The following WWOX variants were observed in gnomAD, a reference collection of about 807,000 sequenced individuals.
WWOX encodes WW domain containing oxidoreductase.
WWOX carries 69 observed loss-of-function variants against 46.2 expected under a neutral mutation model. That is an observed-to-expected ratio of 1.49 (90% CI 1.23 to 1.82). The LOEUF (loss-of-function observed/expected upper bound fraction) is 1.82. Among genes scored for constraint, WWOX ranks in the 40% most tolerant of loss-of-function variants. The probability of loss-of-function intolerance (pLI) is 0.00; values close to 1 mark genes in which losing one functional copy is unlikely to be tolerated. For synonymous variants in WWOX, 359 were observed against 202.6 expected (o/e 1.77, Z -6.56); for missense variants, 919 against 542.6 (o/e 1.69, Z -6.89).
At chr16:78,624,307 T>C (rs1205120211) in intron 8 of WWOX, among the ~76,000 whole-genome samples, 2 of 151,908 alleles carry the variant, frequency 1.3e-5, no homozygotes, top group South Asian at 2.1e-4. Flanking sequence ...TGGCAGGGGC[T>C]CTGCAAAGTT....
chr16:78,175,045 G>T (rs1411088037), intron 5 of WWOX, among the ~76,000 whole-genome samples: 2 of 140,238 alleles, frequency 1.4e-5, no homozygotes, highest in Non-Finnish European at 3.2e-5. Context: ...TCTGACTAAG[G>T]TTATTAACCA....
chr16:78,839,010 T>G (rs1192166090), intron 8 of WWOX, among the ~76,000 whole-genome samples: 1 of 152,180 alleles, frequency 6.6e-6, no homozygotes, highest in Non-Finnish European at 1.5e-5. Context: ...GTCAATTTCC[T>G]GGTTGTGAAA....
rs191658422 is a variant in WWOX, at chr16:78,980,983, G to C, written c.1057-230625G>C. Among the ~76,000 whole-genome samples the C allele has an allele frequency of 1.9e-3, 296 of 152,260 alleles. 1 individual carries two copies. The highest frequency in any genetic ancestry group is 2.5e-3 in the Non-Finnish European group (169 of 68,030). The stretch of plus-strand genomic sequence containing the variant: ...GGGTTGGCCCCACAGTTTAGTTCTT[G>C]GCTTATGTAGAAATCTGTGCTAAGA... On this transcript the variant is annotated intron_variant, in intron 8 of 8. Coordinates refer to ENST00000566780, the MANE Select transcript of WWOX (RefSeq NM_016373.4).
chr16:78,656,779 C>G (rs769394076), intron 8 of WWOX, among the ~76,000 whole-genome samples: 3 of 152,178 alleles, frequency 2.0e-5, no homozygotes, highest in Non-Finnish European at 2.9e-5. Context: ...CTTCCAAACC[C>G]AAGCGCCACA....
intron 8 of WWOX, among the ~76,000 whole-genome samples, chr16:78,494,723 A>T (rs921742992): frequency 6.6e-6 from 1 of 152,156 alleles, no homozygotes; most frequent in Non-Finnish European, 1.5e-5. Context: ...AGGCTTGGTC[A>T]TCGGTCCTTG....
rs372188898 is a variant in WWOX at position 78,745,152 on chromosome 16, C to G, written c.1056+312400C>G. On this transcript the variant is annotated intron_variant, in intron 8 of 8. Transcript: ENST00000566780. ...GTGGAGTTTGAATATGAACATGCCTCTGTCTGTGAAAGCCAGTGTCCCTTC... is the reference window on the plus strand; with the variant it reads ...GTGGAGTTTGAATATGAACATGCCTGTGTCTGTGAAAGCCAGTGTCCCTTC... Among the ~76,000 whole-genome samples the G allele has an allele frequency of 2.2e-4, 34 of 152,328 alleles. No individual in the cohort carries two copies. The East Asian group carries it at 4.8e-3, about 22-fold the overall frequency.
intron 8 of WWOX, among the ~76,000 whole-genome samples, chr16:78,764,109 G>A (rs2049867444): frequency 6.6e-6 from 1 of 152,098 alleles, no homozygotes; most frequent in African/African-American, 2.4e-5. Context: ...GGTGCTCCAG[G>A]ATAAAAATCG....
chr16:79,032,644 A>G (rs1016899790), intron 8 of WWOX, among the ~76,000 whole-genome samples: 21 of 144,106 alleles, frequency 1.5e-4, no homozygotes, highest in African/African-American at 5.6e-4. Context: ...TATGTAATAG[A>G]GCGTGTATAT....
chr16:78,241,477 G>A (rs1236220228), intron 5 of WWOX, among the ~76,000 whole-genome samples: 2 of 152,092 alleles, frequency 1.3e-5, no homozygotes, highest in Non-Finnish European at 2.9e-5. Context: ...CACCCAGGCT[G>A]GAGTGCAGTG....
chr16:78,934,675 T>C (rs1277692884), intron 8 of WWOX, among the ~76,000 whole-genome samples: 1 of 152,094 alleles, frequency 6.6e-6, no homozygotes, highest in Non-Finnish European at 1.5e-5. Context: ...TTCAGGATCT[T>C]CAGTGCCAGA....
In WWOX at chr16:78,460,219, C is replaced by T. The variant is rs915032394; in HGVS notation, c.1056+27467C>T. 1.1e-4 allele frequency among the ~76,000 whole-genome samples: 17 copies of T among 152,218 alleles called. No individual in the cohort carries two copies. In the Middle Eastern group the frequency reaches 0.017, roughly 152 times the overall value. ...CTGGGCTCACTGCAACCTGTGCCTC[C>T]CGGATTCAAGAGATTCTTGTGCCTC... On this transcript the variant is annotated intron_variant, in intron 8 of 8. Transcript: ENST00000566780.
intron 8 of WWOX, among the ~76,000 whole-genome samples, chr16:78,461,467 A>G (rs1229110219): frequency 6.6e-6 from 1 of 152,252 alleles, no homozygotes; most frequent in African/African-American, 2.4e-5. Context: ...AACAAGTGGA[A>G]TGTGTGCATA....
At chr16:78,578,595 T>C (rs935335816) in intron 8 of WWOX, among the ~76,000 whole-genome samples, 10 of 152,114 alleles carry the variant, frequency 6.6e-5, no homozygotes, top group African/African-American at 1.9e-4. Flanking sequence ...GCGAAAATTA[T>C]ATATTATACA....
At chr16:78,130,782 T>C (rs958248931) in intron 4 of WWOX, among the ~76,000 whole-genome samples, 1 of 152,210 alleles carries the variant, frequency 6.6e-6, no homozygotes, top group Non-Finnish European at 1.5e-5. Flanking sequence ...GTGCTAAGAC[T>C]TCAGTGTAGA....
chr16:78,254,502 G>GTTTGTTTT (rs2038072923), intron 5 of WWOX, among the ~76,000 whole-genome samples: 1 of 91,648 alleles, frequency 1.1e-5, no homozygotes, highest in Non-Finnish European at 1.9e-5. Context: ...TTTCTTTCTT[G>GTTTGTTTT]TTTTTTTTTT....
chr16:78,476,720 A>C (rs2084357142), intron 8 of WWOX, among the ~76,000 whole-genome samples: 1 of 152,174 alleles, frequency 6.6e-6, no homozygotes, highest in Non-Finnish European at 1.5e-5. Flanking sequence ...TAAGCTAGCT[A>C]ATTGCTTCTT....
chr16:78,553,398 G>A (rs1402706131), intron 8 of WWOX: 1 of 152,230 alleles, frequency 6.6e-6, no homozygotes, highest in Non-Finnish European at 1.5e-5. Flanking sequence ...GGACACAGGG[G>A]TTGTCTTTAG....
chr16:78,352,496 A>G (rs931029406), intron 5 of WWOX, among the ~76,000 whole-genome samples: 16 of 152,150 alleles, frequency 1.1e-4, no homozygotes, highest in African/African-American at 3.4e-4. Flanking sequence ...TCTATCTTCA[A>G]AGCCAGGGAT....
intron 5 of WWOX, among the ~76,000 whole-genome samples, chr16:78,274,389 C>G (rs2079539627): frequency 6.6e-6 from 1 of 152,120 alleles, no homozygotes; most frequent in African/African-American, 2.4e-5. Context: ...TGAATTCATC[C>G]TGATTCTCCT....
Sources: allele counts gnomAD v4.1 joint callset (sites outside exome capture counted in the v4.1 genomes callset), GRCh38; gene constraint gnomAD v4.1.1; transcripts MANE v1.5; gene names NCBI Gene and HGNC (gene_info 2026-07-23, HGNC 2026-07-21).